PCSK5: variants seen among roughly 807,000 people sequenced by gnomAD.
The protein encoded by PCSK5 is prohormone convertase 5.
In PCSK5, 129 loss-of-function variants were observed where a neutral mutation model predicts 233.2. That is an observed-to-expected ratio of 0.55 (90% CI 0.48 to 0.64). PCSK5 has a LOEUF of 0.64. Among genes scored for constraint, PCSK5 ranks in the 30% least tolerant of loss-of-function variants. PCSK5 has a pLI of 0.00. For missense variants in PCSK5, 2,076 were observed against 2,430.1 expected (o/e 0.85, Z 3.06); for synonymous variants, 825 against 879.2 (o/e 0.94, Z 1.09).
intron 9 of PCSK5, among the ~76,000 whole-genome samples, chr9:76,109,030 G>C (rs535754571): frequency 6.6e-6 from 1 of 152,136 alleles, no homozygotes; most frequent in Non-Finnish European, 1.5e-5. Context: ...TCTTTTTGAC[G>C]AGGTTAAATA....
intron 24 of PCSK5, chr9:76,288,200 TATG>T (rs1828148538): frequency 6.6e-6 from 1 of 152,228 alleles, no homozygotes; most frequent in African/African-American, 2.4e-5. Flanking sequence ...GCTTTGACAG[TATG>T]TGATTCTCCT....
At chr9:75,984,577 A>C (rs1826421550) in intron 2 of PCSK5, among the ~76,000 whole-genome samples, 1 of 152,216 alleles carries the variant, frequency 6.6e-6, no homozygotes, top group African/African-American at 2.4e-5. Flanking sequence ...AGTCAAAATC[A>C]TCATAAATAG....
At chr9:76,239,838 A>T (rs1339243271) in intron 23 of PCSK5, among the ~76,000 whole-genome samples, 1 of 152,178 alleles carries the variant, frequency 6.6e-6, no homozygotes, top group Non-Finnish European at 1.5e-5. Flanking sequence ...TCTCCTTCCC[A>T]ATTACTAGAC....
chr9:76,225,149 A>G (rs570390426), intron 20 of PCSK5, among the ~76,000 whole-genome samples: 13 of 152,248 alleles, frequency 8.5e-5, no homozygotes, highest in Non-Finnish European at 1.9e-4. Context: ...CTGGTTTTTA[A>G]TCTGGCCTGT....
chr9:76,181,364 A>G, intron 15 of PCSK5, 34 bp from the exon 16 acceptor site: 1 of 1,583,056 alleles, frequency 6.3e-7, no homozygotes, highest in Non-Finnish European at 8.6e-7. Flanking sequence ...TTTGCTCATG[A>G]CGCTGCCTTC....
At chr9:75,977,541 C>T (rs529087283) in intron 2 of PCSK5, among the ~76,000 whole-genome samples, 10 of 149,498 alleles carry the variant, frequency 6.7e-5, no homozygotes, top group African/African-American at 2.0e-4. Flanking sequence ...CATTTCCTCC[C>T]GTCTTACCAG....
chr9:76,043,801 G>A (rs953571645), intron 5 of PCSK5, among the ~76,000 whole-genome samples: 1 of 152,010 alleles, frequency 6.6e-6, no homozygotes, highest in African/African-American at 2.4e-5. Flanking sequence ...TGAACTCCTG[G>A]GCTCAAGCAA....
intron 7 of PCSK5, 92 bp from the exon 8 acceptor site, chr9:76,095,797 CA>C: frequency 4.6e-6 from 5 of 1,075,776 alleles, no homozygotes; most frequent in Non-Finnish European, 7.2e-6. Flanking sequence ...CAACACACCC[CA>C]CCTGCACCTA....
chr9:76,340,598 T>C (rs369102315), intron 35 of PCSK5, among the ~76,000 whole-genome samples: 22 of 141,134 alleles, frequency 1.6e-4, no homozygotes, highest in East Asian at 1.1e-3. Flanking sequence ...TGAGCCGAGA[T>C]TGCGCCATTG....
At chr9:76,086,948 G>A (rs1488279933) in intron 7 of PCSK5, among the ~76,000 whole-genome samples, 2 of 152,170 alleles carry the variant, frequency 1.3e-5, no homozygotes, top group African/African-American at 4.8e-5. Context: ...CATCAAAATA[G>A]AATTCTTTGT....
intron 5 of PCSK5, among the ~76,000 whole-genome samples, chr9:76,039,610 A>T (rs1829008395): frequency 6.6e-6 from 1 of 152,202 alleles, no homozygotes; most frequent in South Asian, 2.1e-4. Flanking sequence ...TAACCTATAA[A>T]AGCATGCCTA....
chr9:75,906,853 T>G (rs186026832), intron 1 of PCSK5, among the ~76,000 whole-genome samples: 1 of 152,232 alleles, frequency 6.6e-6, no homozygotes, highest in South Asian at 2.1e-4. Flanking sequence ...ACTCATTCCC[T>G]TGATAAAGCT....
intron 5 of PCSK5, among the ~76,000 whole-genome samples, chr9:76,053,073 C>T (rs146948398): frequency 0.014 from 2,187 of 152,322 alleles, 55 homozygotes; most frequent in African/African-American, 0.05. Flanking sequence ...CAGGGTACAG[C>T]GCCCCTCCTG....
intron 30 of PCSK5, among the ~76,000 whole-genome samples, chr9:76,318,181 C>T (rs1056785407): frequency 3.3e-5 from 5 of 152,126 alleles, no homozygotes; most frequent in African/African-American, 9.7e-5. Context: ...ATGGACGAAG[C>T]TGGAAACCTT....
rs1233185664 is a variant in PCSK5, at chr9:76,107,393, T to A, written c.1208+42T>A. 2.2e-6 allele frequency: 3 copies of A among 1,340,418 alleles called. No homozygotes were observed. The African/African-American group carries it at 4.3e-5, about 19-fold the overall frequency. The allele number at this position is 1,340,418 out of a possible 1,614,324, so 83.0% of individuals were successfully genotyped here. A position where few individuals can be genotyped will look rare whatever the true frequency, so the allele number is the denominator to read the frequency against. On this transcript the variant is annotated intron_variant, in intron 9 of 37. Transcript: ENST00000674117. ...ATATGTCTTCAATGGTGACAACCCC[T>A]GATCTCAGGGAAAACGTACCCCTTC...
At chr9:75,930,617 C>T (rs1026170300) in intron 1 of PCSK5, among the ~76,000 whole-genome samples, 2 of 152,276 alleles carry the variant, frequency 1.3e-5, no homozygotes, top group South Asian at 4.1e-4. Context: ...CCATAGAACA[C>T]AGCCAGATTT....
chr9:76,214,080 G>A (rs1436774204), intron 20 of PCSK5, among the ~76,000 whole-genome samples: 1 of 152,148 alleles, frequency 6.6e-6, no homozygotes. Context: ...AGAACCAGCT[G>A]CTCTGGACAA....
In PCSK5 at chr9:76,320,465, C is replaced by CTTCTTT. The variant is rs1554720984; in HGVS notation, c.3885-955_3885-954insCTTTTT. 4.2e-3 allele frequency among the ~76,000 whole-genome samples: 428 copies of CTTCTTT among 101,990 alleles called. 12 individuals carry two copies. Among genetic ancestry groups the CTTCTTT allele is most frequent in the African/African-American group, 0.013 (329 of 25,882 alleles). The allele number at this position is 101,990 out of a possible 152,430, so 66.9% of individuals were successfully genotyped here. A position where few individuals can be genotyped will look rare whatever the true frequency, so the allele number is the denominator to read the frequency against. ...AAGAAAAAAAAAAAGTACATTGTAG[C>CTTCTTT]TTTTTTTTTTTTTTTTTTTTTGAGA... On this transcript the variant is annotated intron_variant, in intron 30 of 37. Coordinates refer to ENST00000674117, the MANE Select transcript of PCSK5 (RefSeq NM_001372043.1).
At chr9:76,057,280 C>G (rs1052144129) in intron 5 of PCSK5, among the ~76,000 whole-genome samples, 1 of 152,170 alleles carries the variant, frequency 6.6e-6, no homozygotes, top group Non-Finnish European at 1.5e-5. Flanking sequence ...TGTTCATACA[C>G]TTGAACTTCA....
Sources: allele counts gnomAD v4.1 joint callset (sites outside exome capture counted in the v4.1 genomes callset), GRCh38; gene constraint gnomAD v4.1.1; transcripts MANE v1.5; gene names NCBI Gene and HGNC (gene_info 2026-07-23, HGNC 2026-07-21).